The following USP2 variants were observed in gnomAD, a reference collection of about 807,000 sequenced individuals.
USP2 encodes the protein ubiquitin carboxyl-terminal hydrolase 2.
A neutral mutation model predicts 72.0 loss-of-function variants in USP2; 33 were observed. That is an observed-to-expected ratio of 0.46 (90% CI 0.35 to 0.61). The LOEUF (loss-of-function observed/expected upper bound fraction) is 0.61. USP2 is among the 20% of genes least tolerant of loss of function. USP2 has a pLI of 0.01. For missense variants in USP2, 691 were observed against 797.8 expected, an observed-to-expected ratio of 0.87 and a Z score of 1.61; for synonymous variants, 296 against 312.5, an observed-to-expected ratio of 0.95 and a Z score of 0.56.
At chr11:119,370,342 A>ATCTTT (rs1471790240) in intron 2 of USP2, among the ~76,000 whole-genome samples, 5 of 152,206 alleles carry the variant, frequency 3.3e-5, no homozygotes, top group African/African-American at 1.2e-4. Context: ...CACATACATT[A>ATCTTT]TCTTTTCATT....
intron 10 of USP2, 38 bp downstream of exon 10, chr11:119,357,719 G>C (rs1360268417): frequency 6.2e-6 from 10 of 1,613,314 alleles, no homozygotes; most frequent in Non-Finnish European, 8.5e-6. Flanking sequence ...AGTCACCCTT[G>C]AAAGTCATGT....
At chr11:119,379,305 G>C in intron 1 of USP2, 1 of 985,386 alleles carries the variant, frequency 1.0e-6, no homozygotes, top group Non-Finnish European at 1.2e-6. Flanking sequence ...TCTTGGAAGG[G>C]GGGCATTTTG....
intron 2 of USP2, among the ~76,000 whole-genome samples, chr11:119,360,705 G>A (rs368391551): frequency 5.9e-5 from 9 of 152,256 alleles, no homozygotes; most frequent in African/African-American, 2.2e-4. Flanking sequence ...GATTACAGGC[G>A]TGAGCCACCG....
chr11:119,365,898 G>GT (rs59501313), intron 2 of USP2, among the ~76,000 whole-genome samples: 2,698 of 140,844 alleles, frequency 0.019, 53 homozygotes, highest in African/African-American at 0.043. Flanking sequence ...TATTTGTTTT[G>GT]TTTTTTTTTT....
chr11:119,364,670 C>T (rs1950827474), intron 2 of USP2, among the ~76,000 whole-genome samples: 1 of 152,194 alleles, frequency 6.6e-6, no homozygotes, highest in Admixed American at 6.5e-5. Flanking sequence ...TCCGGGGGTA[C>T]TCAGGCCTTC....
chr11:119,367,364 G>A (rs1950868895), intron 2 of USP2, among the ~76,000 whole-genome samples: 1 of 152,248 alleles, frequency 6.6e-6, no homozygotes, highest in South Asian at 2.1e-4. Context: ...GGCGGGGACT[G>A]AGAGTATTCT....
In USP2 at chr11:119,358,842, G is replaced by A; in HGVS notation, c.1173-5C>T. 6.2e-7 allele frequency: 1 copy of A among 1,613,982 alleles called. No homozygotes were observed. ...TGTCGGCCTTTCTCGTCATCACTGGGAACCAGAGAGAGACAACAATTGGGT... is the reference window on the plus strand; with the variant it reads ...TGTCGGCCTTTCTCGTCATCACTGGAAACCAGAGAGAGACAACAATTGGGT... On this transcript the variant is annotated splice_polypyrimidine_tract_variant and splice_region_variant and intron_variant, in intron 6 of 12. Coordinates refer to ENST00000260187, the MANE Select transcript of USP2 (RefSeq NM_004205.5).
In USP2 at chr11:119,372,720, C is replaced by T. The variant is rs1950946009; in HGVS notation, c.761G>A (p.Gly254Glu). Residue 254 changes from glycine (G) to glutamate (E), a missense_variant, in exon 2 of 13, where the codon GGA (glycine) becomes GAA (glutamate). By Grantham distance (98) the Gly-to-Glu change is moderately conservative. Transcript: ENST00000260187. ...APGPSRSSSP[G>E]RDGMNSKSAQ... ...GGGTAAACTCACCATGCCGTCTCTT[C>T]CCGGGGAGCTGGAGCGGCTGGGCCC... 2 of 1,521,946 alleles carry T rather than the reference C, an allele frequency of 1.3e-6. No individual in the cohort carries two copies. Among genetic ancestry groups the T allele is most frequent in the Non-Finnish European group, 1.8e-6 (2 of 1,138,592 alleles). The allele number at this position is 1,521,946 out of a possible 1,614,324, so 94.3% of individuals were successfully genotyped here.
chr11:119,359,734 C>T, intron 3 of USP2, 74 bp from the exon 4 acceptor site: 1 of 1,559,296 alleles, frequency 6.4e-7, no homozygotes, highest in Non-Finnish European at 8.7e-7. Context: ...CTACCAGAGG[C>T]TCTCTGGTTC....
chr11:119,373,614 G>T, intron 1 of USP2, 93 bp from the exon 2 acceptor site: 1 of 1,220,058 alleles, frequency 8.2e-7, no homozygotes. Context: ...CAGAACCTCA[G>T]AGCTCCCAGT....
intron 6 of USP2, 23 bp downstream of exon 6, chr11:119,359,001 C>G (rs991654921): frequency 6.2e-7 from 1 of 1,612,506 alleles, no homozygotes; most frequent in Non-Finnish European, 8.5e-7. Flanking sequence ...TTTGCTTTCC[C>G]ACAGCATTCT....
At chr11:119,377,920 C>A (rs1279776921) in intron 1 of USP2, among the ~76,000 whole-genome samples, 2 of 152,138 alleles carry the variant, frequency 1.3e-5, no homozygotes, top group Non-Finnish European at 2.9e-5. Context: ...CTGCCCAGAT[C>A]TGCTTGGCTT....
At chr11:119,359,804 A>G (rs572227918) in intron 3 of USP2, 144 bp from the exon 4 acceptor site, 6 of 1,244,102 alleles carry the variant, frequency 4.8e-6, no homozygotes, top group Admixed American at 5.0e-5. Flanking sequence ...TCCTCTTTTC[A>G]TAAGTGAAAG....
rs1326356829 is a variant in USP2, at chr11:119,356,570, C to G, written c.*265G>C. On this transcript the variant is annotated 3_prime_UTR_variant, in exon 13 of 13. Transcript: ENST00000260187. ...TTGTTTCTGACACATAGGAAGACCA[C>G]AAGTTTACAAATGCAAACGCCGAGG... The G allele has an allele frequency of 2.0e-6, 1 of 490,314 alleles. No homozygotes were observed. Among genetic ancestry groups the G allele is most frequent in the African/African-American group, 2.0e-5 (1 of 49,552 alleles). The allele number at this position is 490,314 out of a possible 1,614,324, so 30.4% of individuals were successfully genotyped here.
Position 119,360,624 on chromosome 11 carries a change from C to A in USP2, c.775-390G>T, listed in dbSNP as rs374223922. ...ATTTTTAGTAGAGACAGGGTTTCGT[C>A]ATGTTGGCCAGGCTGGTCTTGAACT... On this transcript the variant is annotated intron_variant, in intron 2 of 12. Coordinates refer to ENST00000260187, the MANE Select transcript of USP2 (RefSeq NM_004205.5). 7.2e-5 allele frequency among the ~76,000 whole-genome samples: 11 copies of A among 152,224 alleles called. No homozygotes were observed. In the East Asian group the frequency reaches 2.1e-3, roughly 29 times the overall value.
intron 12 of USP2, 86 bp from the exon 13 acceptor site, chr11:119,357,008 G>A (rs1320036885): frequency 1.1e-5 from 17 of 1,487,274 alleles, no homozygotes; most frequent in African/African-American, 1.0e-4. Context: ...GAGGCCGGCC[G>A]GCCTGCCTTT....
intron 2 of USP2, among the ~76,000 whole-genome samples, chr11:119,360,837 C>T (rs1700083323): frequency 1.3e-5 from 2 of 152,180 alleles, no homozygotes; most frequent in African/African-American, 4.8e-5. Flanking sequence ...CTATTCTCTG[C>T]TACAGTGGAG....
chr11:119,357,316 G>C lies in USP2; in HGVS notation c.1610-9C>G, dbSNP rs564756231. ...GTTGTAAACAGCATGGTCTGAGGAG[G>C]AGGCAGCCGTCAAGCCCCCGAGGCC... On this transcript the variant is annotated splice_polypyrimidine_tract_variant and intron_variant, in intron 11 of 12. Coordinates refer to ENST00000260187, the MANE Select transcript of USP2 (RefSeq NM_004205.5). 5 of 1,613,024 alleles carry C rather than the reference G, an allele frequency of 3.1e-6. No homozygotes were observed. Among genetic ancestry groups the C allele is most frequent in the Admixed American group, 3.3e-5 (2 of 59,964 alleles).
intron 1 of USP2, among the ~76,000 whole-genome samples, chr11:119,376,012 A>C (rs1392251406): frequency 1.3e-5 from 2 of 152,200 alleles, no homozygotes; most frequent in African/African-American, 4.8e-5. Flanking sequence ...TCCTCCTAGC[A>C]GCCCTGGGAG....
Sources: allele counts gnomAD v4.1 joint callset (sites outside exome capture counted in the v4.1 genomes callset), GRCh38; gene constraint gnomAD v4.1.1; transcripts MANE v1.5; gene names NCBI Gene and HGNC (gene_info 2026-07-23, HGNC 2026-07-21).